RBFOX1: variants seen among roughly 807,000 people sequenced by gnomAD.
RBFOX1 encodes RNA binding protein fox-1 homolog 1.
RBFOX1 carries 8 observed loss-of-function variants against 57.7 expected under a neutral mutation model. The ratio of observed to expected loss-of-function variants is 0.14; its 90% CI spans 0.08 to 0.25. The LOEUF is 0.25. RBFOX1 is among the 10% of genes least tolerant of loss of function. RBFOX1 has a pLI of 1.00. For synonymous variants in RBFOX1, 326 were observed against 222.4 expected (o/e 1.47, Z -4.15); for missense variants, 611 against 548.5 (o/e 1.11, Z -1.14).
At chr16:6,989,782 C>T (rs572575362) in intron 3 of RBFOX1, among the ~76,000 whole-genome samples, 1 of 152,156 alleles carries the variant, frequency 6.6e-6, no homozygotes, top group Non-Finnish European at 1.5e-5. Flanking sequence ...GGTGGATCAC[C>T]TGAGGTCAGG....
chr16:6,497,522 C>T (rs1354032159), intron 2 of RBFOX1, among the ~76,000 whole-genome samples: 1 of 151,648 alleles, frequency 6.6e-6, no homozygotes, highest in African/African-American at 2.4e-5. Context: ...TGTGGAATAA[C>T]CTCCAGTATA....
intron 2 of RBFOX1, among the ~76,000 whole-genome samples, chr16:5,472,893 G>A (rs540199137): frequency 1.4e-4 from 21 of 152,300 alleles, no homozygotes; most frequent in South Asian, 4.1e-4. Context: ...TCAGGTTGTC[G>A]TAGGGGATCC....
At chr16:7,658,767 C>T (rs989792803) in intron 12 of RBFOX1, among the ~76,000 whole-genome samples, 1 of 152,198 alleles carries the variant, frequency 6.6e-6, no homozygotes, top group Non-Finnish European at 1.5e-5. Context: ...CTCTGTCACC[C>T]AGGCTGAAAT....
intron 4 of RBFOX1, among the ~76,000 whole-genome samples, chr16:7,488,439 T>A (rs28459361): frequency 0.91 from 138,359 of 151,982 alleles, 64,346 homozygotes; most frequent in East Asian, 1. Flanking sequence ...CTATCATTCT[T>A]TCGTTGTTTG....
At position 6,915,006 on chromosome 16, in the gene RBFOX1, G is replaced by A. The variant is rs941532205; in HGVS notation, c.-15-137051G>A. Among the ~76,000 whole-genome samples the A allele has an allele frequency of 4.6e-5, 7 of 152,224 alleles. 1 individual carries two copies. Among genetic ancestry groups the A allele is most frequent in the Admixed American group, 3.9e-4 (6 of 15,276 alleles). On this transcript the variant is annotated intron_variant, in intron 3 of 15. Coordinates refer to ENST00000550418, the MANE Select transcript of RBFOX1 (RefSeq NM_018723.4). Reference sequence around the variant, plus strand: ...CAGCACTATTGCCAGGCAGCAAGCAGGCCCAGGGTGGTGTAAGTCGGCTTT... The same window carrying A: ...CAGCACTATTGCCAGGCAGCAAGCAAGCCCAGGGTGGTGTAAGTCGGCTTT...
At chr16:6,842,399 A>C (rs532070566) in intron 3 of RBFOX1, among the ~76,000 whole-genome samples, 1 of 152,050 alleles carries the variant, frequency 6.6e-6, no homozygotes, top group Non-Finnish European at 1.5e-5. Flanking sequence ...ATTTAATCCA[A>C]CTACTTGGAG....
intron 3 of RBFOX1, among the ~76,000 whole-genome samples, chr16:5,826,586 A>G (rs570911622): frequency 6.6e-6 from 1 of 152,360 alleles, no homozygotes; most frequent in South Asian, 2.1e-4. Context: ...CTTTATTTAC[A>G]AAAGCAAGAG....
intron 1 of RBFOX1, among the ~76,000 whole-genome samples, chr16:6,083,469 C>A (rs1275533828): frequency 1.2e-4 from 18 of 151,788 alleles, no homozygotes; most frequent in Admixed American, 1.1e-3. Context: ...CTCTTTGGTC[C>A]ATTTTTGGTT....
intron 2 of RBFOX1, among the ~76,000 whole-genome samples, chr16:6,595,688 C>G (rs748462402): frequency 6.6e-6 from 1 of 152,124 alleles, no homozygotes; most frequent in East Asian, 1.9e-4. Context: ...ATGTCTCTGG[C>G]TTCCCTTTTG....
At chr16:7,155,715 ATAT>A (rs1567489972) in intron 4 of RBFOX1, among the ~76,000 whole-genome samples, 1,142 of 73,364 alleles carry the variant, frequency 0.016, 26 homozygotes, top group East Asian at 0.033. Context: ...AAAAAAAAAT[ATAT>A]ATATATATAT....
intron 1 of RBFOX1, among the ~76,000 whole-genome samples, chr16:6,256,203 G>GTATATGTCTA (rs1555582380): frequency 2.4e-5 from 1 of 41,206 alleles, no homozygotes; most frequent in Non-Finnish European, 4.8e-5. Flanking sequence ...ATATGTATAT[G>GTATATGTCTA]TATATGTGTA....
chr16:6,247,094 C>A (rs138557024), intron 1 of RBFOX1, among the ~76,000 whole-genome samples: 3 of 152,244 alleles, frequency 2.0e-5, no homozygotes, highest in African/African-American at 7.2e-5. Context: ...AAAAAAAATT[C>A]TGACCACTGT....
intron 2 of RBFOX1, among the ~76,000 whole-genome samples, chr16:5,577,784 G>T (rs77903817): frequency 6.6e-6 from 1 of 152,128 alleles, no homozygotes; most frequent in South Asian, 2.1e-4. Flanking sequence ...CACACCAGGC[G>T]GCATAATAGA....
intron 4 of RBFOX1, among the ~76,000 whole-genome samples, chr16:7,369,406 C>G (rs1375385800): frequency 6.6e-6 from 1 of 152,126 alleles, no homozygotes; most frequent in Non-Finnish European, 1.5e-5. Context: ...CAAGCCCTTT[C>G]ATCTCTCCTC....
intron 4 of RBFOX1, among the ~76,000 whole-genome samples, chr16:7,235,298 C>G (rs890665644): frequency 6.6e-6 from 1 of 152,136 alleles, no homozygotes; most frequent in African/African-American, 2.4e-5. Context: ...TCATTATTGA[C>G]TAAGTGTGGC....
chr16:5,382,504 A>G (rs563872616), intron 1 of RBFOX1, among the ~76,000 whole-genome samples: 1 of 152,076 alleles, frequency 6.6e-6, no homozygotes, highest in African/African-American at 2.4e-5. Context: ...ATGATTTGCA[A>G]TCTGTGGCCA....
chr16:6,913,819 C>T (rs2072369569), intron 3 of RBFOX1, among the ~76,000 whole-genome samples: 2 of 152,334 alleles, frequency 1.3e-5, no homozygotes, highest in East Asian at 1.9e-4. Flanking sequence ...TGCTAAACTA[C>T]TTCCCAGCCC....
intron 1 of RBFOX1, among the ~76,000 whole-genome samples, chr16:5,328,763 C>A (rs1324136505): frequency 2.6e-5 from 4 of 152,164 alleles, no homozygotes; most frequent in African/African-American, 9.7e-5. Flanking sequence ...AGTGGCCATC[C>A]GATTCAAGCT....
chr16:6,917,931 G>A (rs1307954682), intron 3 of RBFOX1, among the ~76,000 whole-genome samples: 1 of 152,180 alleles, frequency 6.6e-6, no homozygotes, highest in East Asian at 1.9e-4. Flanking sequence ...CCTTTAGGGT[G>A]TTCTTACTCA....
Sources: gnomAD v4.1 joint callset for allele counts (sites outside exome capture counted in the v4.1 genomes callset) on GRCh38, gnomAD v4.1.1 for gene constraint, MANE v1.5 for transcripts, NCBI Gene and HGNC (gene_info 2026-07-23, HGNC 2026-07-21) for gene names.